The following ZMIZ1 variants were observed in gnomAD, a reference collection of about 807,000 sequenced individuals.
The protein encoded by ZMIZ1 is zinc finger MIZ domain-containing protein 1.
ZMIZ1 carries 17 observed loss-of-function variants against 113.9 expected under a neutral mutation model. The observed-to-expected ratio is 0.15, with a 90% CI of 0.10 to 0.22. ZMIZ1 has a LOEUF of 0.22. ZMIZ1 is among the 10% of genes least tolerant of loss of function. ZMIZ1 has a pLI of 1.00. For synonymous variants in ZMIZ1, 607 were observed against 603.1 expected (o/e 1.01, Z -0.09); for missense variants, 1,059 against 1,477.8 (o/e 0.72, Z 4.65).
intron 7 of ZMIZ1, among the ~76,000 whole-genome samples, chr10:79,250,600 C>T (rs936330115): frequency 2.0e-5 from 3 of 152,232 alleles, no homozygotes; most frequent in South Asian, 2.1e-4. Flanking sequence ...TTCTGAAGCC[C>T]GCCAGTGATT....
intron 6 of ZMIZ1, among the ~76,000 whole-genome samples, chr10:79,213,598 T>C (rs187020022): frequency 1.3e-5 from 2 of 152,312 alleles, no homozygotes; most frequent in African/African-American, 4.8e-5. Context: ...TTTTCCTTTT[T>C]AACTAGAGCA....
chr10:79,097,361 C>T (rs1008604729), intron 1 of ZMIZ1, among the ~76,000 whole-genome samples: 1 of 152,192 alleles, frequency 6.6e-6, no homozygotes, highest in Admixed American at 6.5e-5. Flanking sequence ...TTTCAGTGAC[C>T]ATCCTGCTGT....
chr10:79,077,451 T>G (rs1262931143), intron 1 of ZMIZ1, among the ~76,000 whole-genome samples: 1 of 78,802 alleles, frequency 1.3e-5, no homozygotes, highest in African/African-American at 5.1e-5. Context: ...GGTCATACAG[T>G]GGGGTGTCTC....
chr10:79,256,920 G>A (rs1310964504), intron 7 of ZMIZ1, among the ~76,000 whole-genome samples: 2 of 152,204 alleles, frequency 1.3e-5, no homozygotes, highest in African/African-American at 4.8e-5. Context: ...GGAGACCTGA[G>A]GGGTGACATG....
chr10:79,073,964 C>G (rs537137868), intron 1 of ZMIZ1, among the ~76,000 whole-genome samples: 1 of 152,130 alleles, frequency 6.6e-6, no homozygotes, highest in Non-Finnish European at 1.5e-5. Flanking sequence ...AGTCCAGTGC[C>G]GGCAGGAAGA....
At chr10:79,196,198 C>T (rs1406410186) in intron 4 of ZMIZ1, among the ~76,000 whole-genome samples, 1 of 152,214 alleles carries the variant, frequency 6.6e-6, no homozygotes, top group Non-Finnish European at 1.5e-5. Flanking sequence ...CCTCCATAAT[C>T]CGCTAGCCAT....
intron 7 of ZMIZ1, among the ~76,000 whole-genome samples, chr10:79,234,378 C>A (rs1243027718): frequency 6.6e-6 from 1 of 152,150 alleles, no homozygotes; most frequent in African/African-American, 2.4e-5. Flanking sequence ...TCTTGACTTA[C>A]CAGTTCTGAG....
At chr10:79,265,373 C>T (rs1851533294) in intron 7 of ZMIZ1, among the ~76,000 whole-genome samples, 2 of 151,822 alleles carry the variant, frequency 1.3e-5, no homozygotes, top group Admixed American at 1.3e-4. Flanking sequence ...ATGCACAGGG[C>T]TTCAGCTTGT....
chr10:79,193,620 G>C (rs983038976), intron 4 of ZMIZ1, among the ~76,000 whole-genome samples: 5 of 152,222 alleles, frequency 3.3e-5, no homozygotes, highest in Non-Finnish European at 7.3e-5. Context: ...AGCTGATGGA[G>C]AGACAGTTGC....
intron 19 of ZMIZ1, 123 bp from the exon 20 acceptor site, chr10:79,305,041 C>G: frequency 9.2e-7 from 1 of 1,081,700 alleles, no homozygotes; most frequent in Non-Finnish European, 1.4e-6. Context: ...CAGCCCCAGC[C>G]CGGGGTTTCT....
At chr10:79,075,586 TGC>T (rs1386054949) in intron 1 of ZMIZ1, among the ~76,000 whole-genome samples, 1 of 151,650 alleles carries the variant, frequency 6.6e-6, no homozygotes, top group Non-Finnish European at 1.5e-5. Flanking sequence ...CATGCACACA[TGC>T]ACACCTGCAC....
intron 4 of ZMIZ1, among the ~76,000 whole-genome samples, chr10:79,197,529 C>T (rs985935592): frequency 2.0e-5 from 3 of 151,848 alleles, no homozygotes; most frequent in East Asian, 1.9e-4. Flanking sequence ...ATACAGCTCC[C>T]GCTTGGGTGA....
intron 3 of ZMIZ1, among the ~76,000 whole-genome samples, chr10:79,144,949 G>C (rs1005400691): frequency 1.3e-5 from 2 of 151,226 alleles, no homozygotes; most frequent in Non-Finnish European, 2.9e-5. Context: ...CATCCACTTC[G>C]GCTTCTTGGT....
chr10:79,239,413 G>C (rs1210724159), intron 7 of ZMIZ1, among the ~76,000 whole-genome samples: 1 of 152,234 alleles, frequency 6.6e-6, no homozygotes, highest in African/African-American at 2.4e-5. Flanking sequence ...GCTCATGCCT[G>C]TCACTCTCAC....
chr10:79,175,580 CTGCGTG>C (rs1185009076), intron 4 of ZMIZ1, among the ~76,000 whole-genome samples: 3 of 131,068 alleles, frequency 2.3e-5, no homozygotes, highest in South Asian at 2.5e-4. Flanking sequence ...TCTGTGCACT[CTGCGTG>C]TGTGTGTGTG....
At chr10:79,152,076 C>T (rs560426985) in intron 3 of ZMIZ1, among the ~76,000 whole-genome samples, 313 of 152,326 alleles carry the variant, frequency 2.1e-3, no homozygotes, top group Non-Finnish European at 3.4e-3. Flanking sequence ...CCAGGCTCCC[C>T]CAACACCAGA....
chr10:79,242,287 G>A (rs1022347014), intron 7 of ZMIZ1, among the ~76,000 whole-genome samples: 1 of 152,112 alleles, frequency 6.6e-6, no homozygotes, highest in Non-Finnish European at 1.5e-5. Flanking sequence ...CCCGGGGCGG[G>A]GCAGGGCCGC....
chr10:79,227,998 G>A (rs1307226746), intron 7 of ZMIZ1, among the ~76,000 whole-genome samples: 5 of 152,224 alleles, frequency 3.3e-5, no homozygotes, highest in African/African-American at 1.2e-4. Flanking sequence ...CTGTGCCCTG[G>A]GCAAGGGATG....
At chr10:79,089,187 G>C (rs1006454781) in intron 1 of ZMIZ1, among the ~76,000 whole-genome samples, 9 of 152,250 alleles carry the variant, frequency 5.9e-5, no homozygotes, top group Admixed American at 5.9e-4. Context: ...CGAAGCAACT[G>C]GTGGGGTTCA....
Sources: gnomAD v4.1 joint callset for allele counts (sites outside exome capture counted in the v4.1 genomes callset) on GRCh38, gnomAD v4.1.1 for gene constraint, MANE v1.5 for transcripts, NCBI Gene and HGNC (gene_info 2026-07-23, HGNC 2026-07-21) for gene names.